The following TBXAS1 variants were observed in gnomAD, a reference collection of about 807,000 sequenced individuals.
TBXAS1 encodes the protein thromboxane-A synthase.
A neutral mutation model predicts 60.7 loss-of-function variants in TBXAS1; 48 were observed. The observed-to-expected ratio is 0.79, with a 90% CI of 0.63 to 1.01. The LOEUF (loss-of-function observed/expected upper bound fraction) is 1.01, where lower values mean the gene tolerates loss of function less well. TBXAS1 is among the 50% of genes least tolerant of loss of function. The probability of loss-of-function intolerance (pLI) is 0.00; values close to 1 mark genes in which losing one functional copy is unlikely to be tolerated. For synonymous variants in TBXAS1, 287 were observed against 269.7 expected, an observed-to-expected ratio of 1.06 and a Z score of -0.63; for missense variants, 685 against 686.3, an observed-to-expected ratio of 1.00 and a Z score of 0.02.
At chr7:139,785,258 G>T (rs971329576) in intron 3 of TBXAS1, among the ~76,000 whole-genome samples, 4 of 151,966 alleles carry the variant, frequency 2.6e-5, no homozygotes, top group African/African-American at 7.3e-5. Flanking sequence ...CTTTCTGCTT[G>T]TTCTCTTGGC....
chr7:139,805,933 CTTTTTT>C (rs35769530), intron 4 of TBXAS1, among the ~76,000 whole-genome samples: 1 of 104,774 alleles, frequency 9.5e-6, no homozygotes, highest in Non-Finnish European at 1.8e-5. Context: ...CAAATTTTTG[CTTTTTT>C]TTTTTTTTTT....
chr7:139,961,245 C>A (rs540687512), intron 8 of TBXAS1, among the ~76,000 whole-genome samples: 9 of 152,334 alleles, frequency 5.9e-5, no homozygotes, highest in African/African-American at 2.2e-4. Flanking sequence ...CTAGTCCCCT[C>A]GCCTTGCCCT....
chr7:139,961,943 G>C lies in TBXAS1; in HGVS notation c.844G>C (p.Val282Leu), dbSNP rs984477403. 1.1e-5 allele frequency: 17 copies of C among 1,614,004 alleles called. No individual in the cohort carries two copies. The African/African-American group carries it at 1.7e-4, about 16-fold the overall frequency. Reference sequence around the variant, plus strand: ...GAGGCGGAGAGACTTCCTCCAAATGGTCCTGGATGCCCGACATTCTGCAAG... The same window carrying C: ...GAGGCGGAGAGACTTCCTCCAAATGCTCCTGGATGCCCGACATTCTGCAAG... ...EERRRDFLQM[V>L]LDARHSASPM... The change falls in exon 9 of 13, where the codon GTC (valine) becomes CTC (leucine). Residue 282 changes from valine to leucine, a missense_variant. By Grantham distance (32) the Val-to-Leu change is conservative. Transcript: ENST00000448866.
intron 4 of TBXAS1, among the ~76,000 whole-genome samples, chr7:139,801,463 C>T (rs1052174367): frequency 6.1e-5 from 8 of 130,372 alleles, no homozygotes; most frequent in African/African-American, 2.0e-4. Flanking sequence ...GTTTTGATCT[C>T]TTTGTCCTTT....
rs532886099 is a variant in TBXAS1, at chr7:140,007,263, C to G, written c.1226+81C>G. 55 of 1,275,862 alleles carry G rather than the reference C, an allele frequency of 4.3e-5. No homozygotes were observed. The South Asian group carries it at 5.8e-4, about 14-fold the overall frequency. The allele number at this position is 1,275,862 out of a possible 1,614,324, so 79.0% of individuals were successfully genotyped here. A position where few individuals can be genotyped will look rare whatever the true frequency, so the allele number is the denominator to read the frequency against. ...CCCCAGCCTGCAGGTCAGGGCCCTC[C>G]TCCATCAGTTACCACTTGTGTTTCT... On this transcript the variant is annotated intron_variant, in intron 10 of 12. Coordinates refer to ENST00000448866, the MANE Select transcript of TBXAS1 (RefSeq NM_001061.7).
intron 1 of TBXAS1, among the ~76,000 whole-genome samples, chr7:139,861,743 G>A (rs1800983529): frequency 1.3e-5 from 2 of 152,292 alleles, no homozygotes; most frequent in Middle Eastern, 3.4e-3. Flanking sequence ...TATATTTGAT[G>A]TGTTTTGGTC....
intron 10 of TBXAS1, among the ~76,000 whole-genome samples, chr7:140,012,249 T>A (rs1384721269): frequency 6.6e-6 from 1 of 152,146 alleles, no homozygotes; most frequent in African/African-American, 2.4e-5. Context: ...TGGGGCTTGG[T>A]TTTCTTGCTG....
intron 3 of TBXAS1, among the ~76,000 whole-genome samples, chr7:139,903,760 T>C (rs1260872003): frequency 6.6e-6 from 1 of 152,064 alleles, no homozygotes; most frequent in Non-Finnish European, 1.5e-5. Flanking sequence ...CTTTTGAGAA[T>C]TGTCTATTCA....
chr7:139,870,759 G>A (rs138357244), intron 1 of TBXAS1, among the ~76,000 whole-genome samples: 3 of 152,144 alleles, frequency 2.0e-5, no homozygotes, highest in Non-Finnish European at 2.9e-5. Flanking sequence ...CTGCCTTCCC[G>A]TTCTGCCCTG....
chr7:139,804,414 G>A (rs1255031658), intron 4 of TBXAS1, among the ~76,000 whole-genome samples: 1 of 152,196 alleles, frequency 6.6e-6, no homozygotes, highest in Non-Finnish European at 1.5e-5. Flanking sequence ...AGGCAGAAGA[G>A]ATTTGCCTTG....
intron 4 of TBXAS1, among the ~76,000 whole-genome samples, chr7:139,813,536 T>C (rs1163972041): frequency 6.6e-6 from 1 of 152,222 alleles, no homozygotes; most frequent in Non-Finnish European, 1.5e-5. Flanking sequence ...TTATGTTATA[T>C]CCTGCTTCTT....
At chr7:139,797,936 C>G (rs993892515) in intron 4 of TBXAS1, among the ~76,000 whole-genome samples, 1 of 152,134 alleles carries the variant, frequency 6.6e-6, no homozygotes, top group Non-Finnish European at 1.5e-5. Context: ...CAAAGAGATG[C>G]TTCCTGAAAT....
rs368031204 is a variant in TBXAS1 at position 139,829,520 on chromosome 7, G to A, written c.89+41G>A. On this transcript the variant is annotated intron_variant, in intron 1 of 12. Coordinates refer to ENST00000448866, the MANE Select transcript of TBXAS1 (RefSeq NM_001061.7). ...CCTAGGGACTGTGACAGCGTCAGCC[G>A]TCTCACCCTGGAGCCTTGCTGGTGC... is the stretch of plus-strand genomic sequence containing the variant. The A allele has an allele frequency of 4.3e-4, 674 of 1,583,034 alleles. 1 individual carries two copies. Among genetic ancestry groups the A allele is most frequent in the South Asian group, 6.3e-4 (56 of 88,562 alleles).
At chr7:139,986,751 A>G (rs1812501020) in intron 9 of TBXAS1, among the ~76,000 whole-genome samples, 4 of 47,944 alleles carry the variant, frequency 8.3e-5, no homozygotes, top group Admixed American at 2.2e-4. Context: ...ATACATATAT[A>G]TATATGTGTG....
intron 9 of TBXAS1, among the ~76,000 whole-genome samples, chr7:139,992,091 C>T (rs1812950837): frequency 6.6e-6 from 1 of 152,222 alleles, no homozygotes; most frequent in African/African-American, 2.4e-5. Context: ...AGCAATATGG[C>T]ACAAGGGGGT....
intron 9 of TBXAS1, among the ~76,000 whole-genome samples, chr7:139,976,026 G>C (rs1422417797): frequency 6.6e-6 from 1 of 152,162 alleles, no homozygotes; most frequent in Non-Finnish European, 1.5e-5. Flanking sequence ...GCCATTCCAG[G>C]CTTTCTCTTT....
intron 9 of TBXAS1, among the ~76,000 whole-genome samples, chr7:139,983,919 G>A (rs868132535): frequency 7.2e-5 from 11 of 152,106 alleles, no homozygotes; most frequent in African/African-American, 2.2e-4. Context: ...CCTTCCCTTG[G>A]AGCTGCCAGT....
intron 4 of TBXAS1, among the ~76,000 whole-genome samples, chr7:139,817,354 CAGCA>C (rs1798176295): frequency 6.6e-6 from 1 of 152,162 alleles, no homozygotes; most frequent in African/African-American, 2.4e-5. Flanking sequence ...AAGACGCCGC[CAGCA>C]AGTCCTGTGG....
At chr7:139,809,778 G>A (rs897541434) in intron 4 of TBXAS1, among the ~76,000 whole-genome samples, 1 of 152,184 alleles carries the variant, frequency 6.6e-6, no homozygotes, top group African/African-American at 2.4e-5. Context: ...CAGGTCCAAA[G>A]CTGAATGGGT....
Sources: allele counts gnomAD v4.1 joint callset (sites outside exome capture counted in the v4.1 genomes callset), GRCh38; gene constraint gnomAD v4.1.1; transcripts MANE v1.5; gene names NCBI Gene and HGNC (gene_info 2026-07-23, HGNC 2026-07-21).